Variants in TBC1D21 observed in about 807,000 individuals in gnomAD.
The protein encoded by TBC1D21 is male germ cell Rab GTPase-activating protein.
TBC1D21 carries 38 observed loss-of-function variants against 46.0 expected under a neutral mutation model. That is an observed-to-expected ratio of 0.83 (90% CI 0.64 to 1.08). The LOEUF is 1.08. Among genes scored for constraint, TBC1D21 ranks in the 50% least tolerant of loss-of-function variants. The probability of loss-of-function intolerance (pLI) is 0.00; values close to 1 mark genes in which losing one functional copy is unlikely to be tolerated. For synonymous variants in TBC1D21, 151 were observed against 157.2 expected (o/e 0.96, Z 0.29); for missense variants, 415 against 417.9 (o/e 0.99, Z 0.06).
At chr15:73,885,309 G>A (rs566854746) in intron 6 of TBC1D21, among the ~76,000 whole-genome samples, 4 of 152,314 alleles carry the variant, frequency 2.6e-5, no homozygotes, top group African/African-American at 9.6e-5. Flanking sequence ...GGGGGATGGA[G>A]CAAAGCTCTG....
chr15:73,875,423 C>A (rs996516136), intron 1 of TBC1D21, among the ~76,000 whole-genome samples: 2 of 152,024 alleles, frequency 1.3e-5, no homozygotes, highest in Non-Finnish European at 2.9e-5. Context: ...AGAAACTTGG[C>A]ATTAAAACCC....
the TBC1D21 span, among the ~76,000 whole-genome samples, chr15:73,897,187 C>T: frequency 6.6e-6 from 1 of 152,168 alleles, no homozygotes; most frequent in Non-Finnish European, 1.5e-5. Context: ...CCTAAGTGGG[C>T]TGCAGTGTGA....
chr15:73,890,099 G>A (rs1411806265), downstream of TBC1D21, among the ~76,000 whole-genome samples: 4 of 152,234 alleles, frequency 2.6e-5, no homozygotes, highest in Non-Finnish European at 2.9e-5. Context: ...TTACACATGG[G>A]CAGGAGGGAT....
rs1286555736 is a variant in TBC1D21, at chr15:73,873,768, T to C, written c.59T>C (p.Leu20Pro). The change falls in exon 1 of 11, where the codon CTG becomes CCG. Residue 20 changes from leucine to proline, a missense_variant and splice_region_variant. Transcript: ENST00000300504. Reference sequence around the variant, plus strand: ...GCCAGACAGTCAGCCTCCTTCATCCTGGTGCGTGTTCTTTGTCAGCTCTGA... The same window carrying C: ...GCCAGACAGTCAGCCTCCTTCATCCCGGTGCGTGTTCTTTGTCAGCTCTGA... ...LSARQSASFI[L>P]VKRKPPIDKT... is the part of the protein sequence containing the mutation. The C allele has an allele frequency of 6.2e-7, 1 of 1,609,678 alleles. No homozygotes were observed. Among genetic ancestry groups the C allele is most frequent in the Non-Finnish European group, 8.5e-7 (1 of 1,177,598 alleles).
chr15:73,884,542 G>C (rs1348959058), intron 4 of TBC1D21, among the ~76,000 whole-genome samples: 2 of 152,180 alleles, frequency 1.3e-5, no homozygotes, highest in Non-Finnish European at 2.9e-5. Flanking sequence ...GAGGAAGGGT[G>C]GGGGAGGACA....
At chr15:73,896,786 G>C in the TBC1D21 span, among the ~76,000 whole-genome samples, 1 of 152,158 alleles carries the variant, frequency 6.6e-6, no homozygotes, top group African/African-American at 2.4e-5. Flanking sequence ...GTCTGCCAGT[G>C]ATCAGTGGGA....
chr15:73,889,877 C>T (rs1349753718), downstream of TBC1D21, among the ~76,000 whole-genome samples: 2 of 152,238 alleles, frequency 1.3e-5, no homozygotes, highest in African/African-American at 4.8e-5. Flanking sequence ...GCCCTGAGCC[C>T]CTGTCCAGCC....
intron 7 of TBC1D21, 61 bp from the exon 8 acceptor site, chr15:73,886,451 A>G: frequency 6.8e-7 from 1 of 1,476,708 alleles, no homozygotes; most frequent in Non-Finnish European, 9.5e-7. Flanking sequence ...CCTCATCTGC[A>G]TGTGTTTGCT....
At chr15:73,876,224 T>TGTTTG (rs1567062375) in intron 1 of TBC1D21, among the ~76,000 whole-genome samples, 3,752 of 60,580 alleles carry the variant, frequency 0.062, 1,303 homozygotes, top group East Asian at 0.23. Flanking sequence ...TTTTTTTTTT[T>TGTTTG]TTTTTTTTTT....
At position 73,873,594 on chromosome 15, in the gene TBC1D21, G is replaced by A. The variant is rs2068006134; in HGVS notation, c.-116G>A. On this transcript the variant is annotated 5_prime_UTR_variant, in exon 1 of 11. Coordinates refer to ENST00000300504, the MANE Select transcript of TBC1D21 (RefSeq NM_153356.3). Reference sequence around the variant, plus strand: ...GCTGGCCGGCTCTGTTCAAGTGTGGGAGGTCAGGAGCAGCCAGTTCCTCCT... The same window carrying A: ...GCTGGCCGGCTCTGTTCAAGTGTGGAAGGTCAGGAGCAGCCAGTTCCTCCT... 9.2e-7 allele frequency: 1 copy of A among 1,091,758 alleles called. No homozygotes were observed. The highest frequency in any genetic ancestry group is 1.3e-6 in the Non-Finnish European group (1 of 742,332). The allele number at this position is 1,091,758 out of a possible 1,614,324, so 67.6% of individuals were successfully genotyped here. A position where few individuals can be genotyped will look rare whatever the true frequency, so the allele number is the denominator to read the frequency against.
chr15:73,885,709 C>T (rs1356652717), intron 6 of TBC1D21, among the ~76,000 whole-genome samples: 1 of 151,910 alleles, frequency 6.6e-6, no homozygotes, highest in Non-Finnish European at 1.5e-5. Context: ...GCTGCCCTTC[C>T]CTTGTCCCAG....
At chr15:73,876,724 A>G (rs1483009814) in intron 1 of TBC1D21, among the ~76,000 whole-genome samples, 1 of 152,068 alleles carries the variant, frequency 6.6e-6, no homozygotes, top group Admixed American at 6.5e-5. Flanking sequence ...TGTGCGGTGC[A>G]TATTACTTTA....
At chr15:73,897,088 C>G in the TBC1D21 span, among the ~76,000 whole-genome samples, 1 of 152,142 alleles carries the variant, frequency 6.6e-6, no homozygotes, top group African/African-American at 2.4e-5. Flanking sequence ...TCCATCATCC[C>G]CACCTCATCT....
rs1281313049 is a variant in TBC1D21, at chr15:73,886,126, C to A, written c.628C>A (p.Leu210Ile). 6.2e-7 allele frequency: 1 copy of A among 1,614,220 alleles called. No individual in the cohort carries two copies. Among genetic ancestry groups the A allele is most frequent in the Non-Finnish European group, 8.5e-7 (1 of 1,180,048 alleles). ...NIGVAKNLDM[L>I]STLITFLDPV... is the part of the protein sequence containing the mutation. ...TGGCGTGGCCAAGAACCTAGACATG[C>A]TCAGCACCCTGATCACCTTCCTGGA... The change falls in exon 7 of 11, where the codon CTC becomes ATC. Residue 210 changes from leucine to isoleucine, a missense_variant. By Grantham distance (5) the Leu-to-Ile change is conservative. Transcript: ENST00000300504.
chr15:73,902,975 C>T, the TBC1D21 span, among the ~76,000 whole-genome samples: 36 of 152,292 alleles, frequency 2.4e-4, 1 homozygote, highest in East Asian at 3.9e-3. Flanking sequence ...TGCTTGTCTC[C>T]CTGGCTCAGA....
At chr15:73,907,350 G>T in the TBC1D21 span, among the ~76,000 whole-genome samples, 1 of 152,176 alleles carries the variant, frequency 6.6e-6, no homozygotes, top group South Asian at 2.1e-4. Context: ...GTTCATCTTT[G>T]GTGGGGTCTG....
At chr15:73,891,892 G>A (rs1308874807), downstream of TBC1D21, among the ~76,000 whole-genome samples, 1 of 152,244 alleles carries the variant, frequency 6.6e-6, no homozygotes, top group Non-Finnish European at 1.5e-5. Context: ...TGAACAGCCT[G>A]GGCACCGTGG....
chr15:73,879,298 C>T (rs2068113395), intron 1 of TBC1D21, among the ~76,000 whole-genome samples: 1 of 152,108 alleles, frequency 6.6e-6, no homozygotes, highest in African/African-American at 2.4e-5. Flanking sequence ...ATCTCCGCCT[C>T]CCAGGTTCAA....
At chr15:73,894,161 C>G (rs1468633503), downstream of TBC1D21, among the ~76,000 whole-genome samples, 2 of 152,214 alleles carry the variant, frequency 1.3e-5, no homozygotes, top group African/African-American at 2.4e-5. Flanking sequence ...CAGGGCCCCA[C>G]TGTTATGCCA....
Sources: allele counts gnomAD v4.1 joint callset (sites outside exome capture counted in the v4.1 genomes callset), GRCh38; gene constraint gnomAD v4.1.1; transcripts MANE v1.5; gene names NCBI Gene and HGNC (gene_info 2026-07-23, HGNC 2026-07-21).